The following NRG3 variants were observed in gnomAD, a reference collection of about 807,000 sequenced individuals.
NRG3 encodes the protein pro-neuregulin-3, membrane-bound isoform.
A neutral mutation model predicts 66.9 loss-of-function variants in NRG3; 31 were observed. The ratio of observed to expected loss-of-function variants is 0.46; its 90% CI spans 0.35 to 0.63. The LOEUF (loss-of-function observed/expected upper bound fraction) is 0.63. Among genes scored for constraint, NRG3 ranks in the 20% least tolerant of loss-of-function variants. The pLI is 0.00. For synonymous variants in NRG3, 393 were observed against 359.4 expected, an observed-to-expected ratio of 1.09 and a Z score of -1.06; for missense variants, 910 against 878.9, an observed-to-expected ratio of 1.04 and a Z score of -0.45.
Position 82,425,816 on chromosome 10 carries a change from T to C in NRG3, c.953+66948T>C, listed in dbSNP as rs142010731. Among the ~76,000 whole-genome samples the C allele has an allele frequency of 3.9e-3, 599 of 152,296 alleles. 6 individuals are homozygous for C. The highest frequency in any genetic ancestry group is 0.014 in the African/African-American group (587 of 41,574). On this transcript the variant is annotated intron_variant, in intron 2 of 8. Coordinates refer to ENST00000372141, the MANE Select transcript of NRG3 (RefSeq NM_001010848.4). ...TGAGTCTTGCCTGTTGTCTTTGGGT[T>C]CTCCTAGAGACTCCTTCTTAAATAG...
At position 82,985,483 on chromosome 10, in the gene NRG3, A is replaced by G. The variant is rs975368998; in HGVS notation, c.1969A>G (p.Thr657Ala). The change falls in exon 9 of 9, where the codon ACC becomes GCC. Residue 657 changes from threonine to alanine, a missense_variant. Coordinates refer to ENST00000372141, the MANE Select transcript of NRG3 (RefSeq NM_001010848.4). ...SEDYELASVE[T>A]EDSASENTAF... The stretch of plus-strand genomic sequence containing the variant: ...AGACTACGAACTGGCCAGCGTAGAA[A>G]CCGAGGACAGTGCAAGCGAAAACAC... The G allele has an allele frequency of 6.2e-7, 1 of 1,614,082 alleles. No homozygotes were observed. The highest frequency in any genetic ancestry group is 2.2e-5 in the East Asian group (1 of 44,848).
At chr10:82,344,258 C>G (rs1403411224) in intron 1 of NRG3, among the ~76,000 whole-genome samples, 1 of 151,156 alleles carries the variant, frequency 6.6e-6, no homozygotes, top group Non-Finnish European at 1.5e-5. Flanking sequence ...ATTCCCCTTC[C>G]TGTGTCCACG....
At chr10:82,435,735 A>G (rs562402242) in intron 2 of NRG3, among the ~76,000 whole-genome samples, 6 of 146,726 alleles carry the variant, frequency 4.1e-5, no homozygotes, top group Non-Finnish European at 7.5e-5. Context: ...AGGATATTCA[A>G]TTTCCATGAA....
intron 1 of NRG3, among the ~76,000 whole-genome samples, chr10:82,351,646 A>C (rs1306965532): frequency 1.3e-5 from 2 of 152,324 alleles, no homozygotes; most frequent in African/African-American, 4.8e-5. Context: ...GTTTCTACAT[A>C]CATGCTACTC....
intron 1 of NRG3, among the ~76,000 whole-genome samples, chr10:82,152,192 C>T (rs995941145): frequency 1.3e-5 from 2 of 152,022 alleles, no homozygotes; most frequent in Admixed American, 6.6e-5. Context: ...CCAGTTAAAC[C>T]GTATTTACAA....
chr10:82,228,516 C>T (rs2076282980), intron 1 of NRG3, among the ~76,000 whole-genome samples: 2 of 151,748 alleles, frequency 1.3e-5, no homozygotes, highest in East Asian at 1.9e-4. Flanking sequence ...AACATAACTT[C>T]CCAGGACTTT....
chr10:82,814,797 G>A (rs2061637117), intron 3 of NRG3, among the ~76,000 whole-genome samples: 1 of 152,182 alleles, frequency 6.6e-6, no homozygotes, highest in African/African-American at 2.4e-5. Context: ...AAGCCTGTAT[G>A]AGTCATAGTG....
At chr10:82,804,601 C>G (rs2061198287) in intron 3 of NRG3, among the ~76,000 whole-genome samples, 1 of 152,166 alleles carries the variant, frequency 6.6e-6, no homozygotes, top group Non-Finnish European at 1.5e-5. Context: ...AATCAATTAT[C>G]TTCTTCAGGC....
intron 2 of NRG3, among the ~76,000 whole-genome samples, chr10:82,544,185 T>C (rs113336700): frequency 9.9e-5 from 15 of 152,194 alleles, no homozygotes; most frequent in African/African-American, 3.6e-4. Flanking sequence ...AGGTGCTATA[T>C]TGACCTAGCA....
rs114599514 is a variant in NRG3 at position 82,568,332 on chromosome 10, G to A, written c.954-170245G>A. Among the ~76,000 whole-genome samples, 1,479 of 151,616 alleles carry A rather than the reference G, an allele frequency of 9.8e-3. 25 individuals carry two copies. The highest frequency in any genetic ancestry group is 0.034 in the African/African-American group (1,393 of 41,496). ...ACCTATCAGCTGAACATCAGCTTTAGTTTAGTTAACTCTGTGAAAACACTG... is the reference window on the plus strand; with the variant it reads ...ACCTATCAGCTGAACATCAGCTTTAATTTAGTTAACTCTGTGAAAACACTG... On this transcript the variant is annotated intron_variant, in intron 2 of 8. Coordinates refer to ENST00000372141, the MANE Select transcript of NRG3 (RefSeq NM_001010848.4).
At chr10:82,710,586 C>CAAA (rs59857324) in intron 2 of NRG3, among the ~76,000 whole-genome samples, 203 of 73,456 alleles carry the variant, frequency 2.8e-3, no homozygotes, top group Non-Finnish European at 2.9e-3. Context: ...GACTCCATCT[C>CAAA]AAAAAAAAAA....
intron 2 of NRG3, among the ~76,000 whole-genome samples, chr10:82,696,495 GA>G (rs888158749): frequency 4.7e-5 from 7 of 150,460 alleles, no homozygotes; most frequent in East Asian, 2.0e-4. Context: ...ATGGTTAAGG[GA>G]AAAAAAAATA....
intron 4 of NRG3, among the ~76,000 whole-genome samples, chr10:82,916,083 A>G (rs752733196): frequency 1.3e-5 from 2 of 152,312 alleles, no homozygotes; most frequent in African/African-American, 2.4e-5. Flanking sequence ...TACATTGGAT[A>G]AAAGAACACT....
chr10:82,941,924 G>A (rs1297276444), intron 4 of NRG3, among the ~76,000 whole-genome samples: 2 of 151,960 alleles, frequency 1.3e-5, no homozygotes, highest in African/African-American at 2.4e-5. Context: ...CAACACATAG[G>A]ATCTGATTTG....
chr10:82,844,348 G>A (rs1015301140), intron 3 of NRG3, among the ~76,000 whole-genome samples: 1 of 152,146 alleles, frequency 6.6e-6, no homozygotes, highest in Non-Finnish European at 1.5e-5. Flanking sequence ...GAAGATGTTG[G>A]GAGTCAGAGT....
chr10:82,356,519 G>T lies in NRG3; in HGVS notation c.824-2220G>T, dbSNP rs1238470907. On this transcript the variant is annotated intron_variant, in intron 1 of 8. Coordinates refer to ENST00000372141, the MANE Select transcript of NRG3 (RefSeq NM_001010848.4). ...TTGATTCTGTGTGACTGTTTATCAC[G>T]TACTGTCTTGAATAACAGATCTTTT... 2.6e-5 allele frequency among the ~76,000 whole-genome samples: 4 copies of T among 152,252 alleles called. No homozygotes were observed. The East Asian group carries it at 5.8e-4, about 22-fold the overall frequency.
chr10:82,192,421 A>C (rs1477478622), intron 1 of NRG3, among the ~76,000 whole-genome samples: 1 of 152,180 alleles, frequency 6.6e-6, no homozygotes, highest in South Asian at 2.1e-4. Flanking sequence ...GGGAGTGGGC[A>C]TAGGGTACAG....
intron 1 of NRG3, among the ~76,000 whole-genome samples, chr10:82,064,060 T>C (rs1042876727): frequency 6.6e-6 from 1 of 151,874 alleles, no homozygotes; most frequent in Non-Finnish European, 1.5e-5. Flanking sequence ...CATGTCAACA[T>C]GAAACATAAT....
chr10:82,422,686 G>A (rs1404190905), intron 2 of NRG3, among the ~76,000 whole-genome samples: 1 of 151,928 alleles, frequency 6.6e-6, no homozygotes, highest in Non-Finnish European at 1.5e-5. Context: ...ATTTAGCTAT[G>A]TCAGTGGTCA....
Sources: gnomAD v4.1 joint callset for allele counts (sites outside exome capture counted in the v4.1 genomes callset) on GRCh38, gnomAD v4.1.1 for gene constraint, MANE v1.5 for transcripts, NCBI Gene and HGNC (gene_info 2026-07-23, HGNC 2026-07-21) for gene names.